The following PAPPA2 variants were observed in gnomAD, a reference collection of about 807,000 sequenced individuals.
PAPPA2 encodes pappalysin-2.
PAPPA2 carries 86 observed loss-of-function variants against 176.4 expected under a neutral mutation model. The observed-to-expected ratio is 0.49, with a 90% CI of 0.41 to 0.58. PAPPA2 has a LOEUF of 0.58. Ranked by LOEUF, PAPPA2 falls within the 20% of genes least tolerant of loss-of-function variation. The probability of loss-of-function intolerance (pLI) is 0.00; values close to 1 mark genes in which losing one functional copy is unlikely to be tolerated. For synonymous variants in PAPPA2, 809 were observed against 852.2 expected (o/e 0.95, Z 0.88); for missense variants, 2,073 against 2,256.9 (o/e 0.92, Z 1.65).
intron 20 of PAPPA2, among the ~76,000 whole-genome samples, chr1:176,799,423 G>A (rs1388460851): frequency 6.6e-6 from 1 of 152,190 alleles, no homozygotes; most frequent in Non-Finnish European, 1.5e-5. Flanking sequence ...CCAGCTTGAT[G>A]TTGGTGTCAT....
At chr1:176,506,452 A>G (rs1460109040) in intron 1 of PAPPA2, among the ~76,000 whole-genome samples, 1 of 152,042 alleles carries the variant, frequency 6.6e-6, no homozygotes, top group East Asian at 1.9e-4. Context: ...CAGTATGGCC[A>G]TTTTAATGAT....
chr1:176,615,619 G>A lies in PAPPA2; in HGVS notation c.1991+20024G>A, dbSNP rs1404772152. Among the ~76,000 whole-genome samples the A allele has an allele frequency of 4.6e-5, 7 of 152,132 alleles. No individual in the cohort carries two copies. The East Asian group carries it at 1.2e-3, about 25-fold the overall frequency. On this transcript the variant is annotated intron_variant, in intron 3 of 22. Transcript: ENST00000367662. ...TGGGATTACAGGCGTCAGCCACCAC[G>A]CCTGGCCTGGAGGTTTTTAATAAAA...
chr1:176,571,990 G>A (rs1652371704), intron 2 of PAPPA2, among the ~76,000 whole-genome samples: 1 of 152,136 alleles, frequency 6.6e-6, no homozygotes, highest in Admixed American at 6.5e-5. Context: ...TGAAGATTCC[G>A]GGCACGGACC....
intron 12 of PAPPA2, among the ~76,000 whole-genome samples, chr1:176,717,083 G>C (rs1412263803): frequency 1.3e-5 from 2 of 152,224 alleles, no homozygotes; most frequent in Non-Finnish European, 2.9e-5. Flanking sequence ...AGCACTCAGA[G>C]AAGATAGACC....
chr1:176,821,030 T>A (rs773116247), intron 21 of PAPPA2, among the ~76,000 whole-genome samples: 2 of 152,036 alleles, frequency 1.3e-5, no homozygotes, highest in African/African-American at 4.8e-5. Context: ...AGTCTGCTGC[T>A]CCCCCCAATG....
chr1:176,490,409 A>C (rs1446294891), intron 1 of PAPPA2, among the ~76,000 whole-genome samples: 1 of 152,186 alleles, frequency 6.6e-6, no homozygotes. Flanking sequence ...CTGGGAGAAC[A>C]GGAAAGGTAT....
chr1:176,528,311 A>G (rs1023442338), intron 1 of PAPPA2, among the ~76,000 whole-genome samples: 1 of 152,150 alleles, frequency 6.6e-6, no homozygotes, highest in Non-Finnish European at 1.5e-5. Flanking sequence ...TCATCCCCTG[A>G]TCCCCTTACA....
chr1:176,616,212 T>A, intron 3 of PAPPA2: 1 of 423,336 alleles, frequency 2.4e-6, no homozygotes, highest in Non-Finnish European at 4.6e-6. Flanking sequence ...CTAATGTGTA[T>A]AACAAATTAG....
At chr1:176,490,977 C>G (rs1390992784) in intron 1 of PAPPA2, among the ~76,000 whole-genome samples, 1 of 152,220 alleles carries the variant, frequency 6.6e-6, no homozygotes, top group Non-Finnish European at 1.5e-5. Flanking sequence ...TAGCCTGAAA[C>G]CTGATTTACA....
intron 1 of PAPPA2, among the ~76,000 whole-genome samples, chr1:176,529,706 AT>A (rs1649699440): frequency 6.6e-6 from 1 of 151,950 alleles, no homozygotes; most frequent in Non-Finnish European, 1.5e-5. Flanking sequence ...GAGAAAAATG[AT>A]TTTGTGGCTA....
In PAPPA2 at chr1:176,518,356, C is replaced by G. The variant is rs139749789; in HGVS notation, c.-916-37051C>G. Among the ~76,000 whole-genome samples, 107 of 151,268 alleles carry G rather than the reference C, an allele frequency of 7.1e-4. No homozygotes were observed. In the Middle Eastern group the frequency reaches 0.01, roughly 15 times the overall value. On this transcript the variant is annotated intron_variant, in intron 1 of 22. Transcript: ENST00000367662. ...AAGCCAGAATAGTTCAACCCAAATG[C>G]GAAGAGTTGATAAAGTCCATTCTGA...
intron 8 of PAPPA2, among the ~76,000 whole-genome samples, chr1:176,701,888 G>C (rs368343287): frequency 4.6e-5 from 7 of 152,294 alleles, no homozygotes; most frequent in African/African-American, 1.7e-4. Flanking sequence ...CCTCTTCTCA[G>C]TGTCTTGCCT....
intron 1 of PAPPA2, among the ~76,000 whole-genome samples, chr1:176,505,691 C>A (rs1042517209): frequency 6.6e-6 from 1 of 151,890 alleles, no homozygotes; most frequent in Admixed American, 6.6e-5. Context: ...GCCTGAATAG[C>A]CTTTTTACAG....
At chr1:176,723,608 C>T (rs1661727070) in intron 12 of PAPPA2, among the ~76,000 whole-genome samples, 1 of 151,786 alleles carries the variant, frequency 6.6e-6, no homozygotes, top group African/African-American at 2.4e-5. Context: ...AAATTTACTG[C>T]AAGTGAGAAA....
At chr1:176,605,639 T>A (rs1654565760) in intron 3 of PAPPA2, among the ~76,000 whole-genome samples, 2 of 152,232 alleles carry the variant, frequency 1.3e-5, no homozygotes, top group Non-Finnish European at 1.5e-5. Flanking sequence ...TTTCTCATAG[T>A]ACCTTGGTTC....
rs1259078582 is a variant in PAPPA2 at position 176,595,511 on chromosome 1, T to C, written c.1907T>C (p.Leu636Pro). Residue 636 changes from leucine to proline, a missense_variant, in exon 3 of 23, where the codon CTG becomes CCG. By Grantham distance (98) the Leu-to-Pro change is moderately conservative. Coordinates refer to ENST00000367662, the MANE Select transcript of PAPPA2 (RefSeq NM_020318.3). Reference sequence around the variant, plus strand: ...TGTCACGTGGAGTGTAACAACATGCTGAACGACTTTGACGACGGAGACTGC... The same window carrying C: ...TGTCACGTGGAGTGTAACAACATGCCGAACGACTTTGACGACGGAGACTGC... ...GLCHVECNNM[L>P]NDFDDGDCCD... 1 of 1,614,222 alleles carries C rather than the reference T, an allele frequency of 6.2e-7. No homozygotes were observed. Among genetic ancestry groups the C allele is most frequent in the Non-Finnish European group, 8.5e-7 (1 of 1,180,046 alleles).
intron 1 of PAPPA2, among the ~76,000 whole-genome samples, chr1:176,472,914 G>A (rs1424770543): frequency 4.6e-5 from 7 of 152,050 alleles, no homozygotes; most frequent in Non-Finnish European, 8.8e-5. Context: ...TTGAGCACAA[G>A]GCACAGAGAT....
chr1:176,464,805 A>T (rs548235852), intron 1 of PAPPA2, among the ~76,000 whole-genome samples: 1 of 152,340 alleles, frequency 6.6e-6, no homozygotes, highest in East Asian at 1.9e-4. Context: ...AATTATAAAA[A>T]TAATAGAAGT....
chr1:176,750,829 A>G (rs1663139523), intron 14 of PAPPA2, among the ~76,000 whole-genome samples: 1 of 152,206 alleles, frequency 6.6e-6, no homozygotes, highest in African/African-American at 2.4e-5. Context: ...AGGAAAAATA[A>G]TGAGTTCACG....
Sources: gnomAD v4.1 joint callset for allele counts (sites outside exome capture counted in the v4.1 genomes callset) on GRCh38, gnomAD v4.1.1 for gene constraint, MANE v1.5 for transcripts, NCBI Gene and HGNC (gene_info 2026-07-23, HGNC 2026-07-21) for gene names.